FAM240A: variants seen among roughly 807,000 people sequenced by gnomAD.
FAM240A encodes protein FAM240A.
FAM240A carries 8 observed loss-of-function variants against 7.3 expected under a neutral mutation model. The ratio of observed to expected loss-of-function variants is 1.09; its 90% confidence interval spans 0.64 to 1.97. The LOEUF (loss-of-function observed/expected upper bound fraction) is 1.97, where lower values mean the gene tolerates loss of function less well. FAM240A is among the 30% of genes most tolerant of loss of function. FAM240A has a pLI of 0.00. For synonymous variants in FAM240A, 32 were observed against 35.9 expected (o/e 0.89, Z 0.38); for missense variants, 90 against 102.2 (o/e 0.88, Z 0.52).
chr3:46,617,133 C>A, intron 1 of FAM240A, 50 bp from the exon 2 acceptor site: 1 of 1,205,104 alleles, frequency 8.3e-7, no homozygotes, highest in Non-Finnish European at 1.1e-6. Context: ...TGATGTTGAG[C>A]ATTTCTTCAT....
At chr3:46,613,731 C>T (rs1337640513) in intron 1 of FAM240A, among the ~76,000 whole-genome samples, 2 of 152,072 alleles carry the variant, frequency 1.3e-5, no homozygotes, top group Non-Finnish European at 2.9e-5. Flanking sequence ...AGTCCCTCCC[C>T]CTAGAAGGAG....
chr3:46,625,234 T>G lies in FAM240A; in HGVS notation c.*16T>G. Reference sequence around the variant, plus strand: ...TGTTGGCTGAGAGCTTCCTGCTTCATTGACACAAGAAGATGCAAAACACTG... The same window carrying G: ...TGTTGGCTGAGAGCTTCCTGCTTCAGTGACACAAGAAGATGCAAAACACTG... On this transcript the variant is annotated 3_prime_UTR_variant, in exon 3 of 3. Coordinates refer to ENST00000640551, the MANE Select transcript of FAM240A (RefSeq NM_001195442.2). 6.6e-7 allele frequency: 1 copy of G among 1,521,446 alleles called. No individual in the cohort carries two copies. The highest frequency in any genetic ancestry group is 8.8e-7 in the Non-Finnish European group (1 of 1,136,222). The allele number at this position is 1,521,446 out of a possible 1,614,324, so 94.2% of individuals were successfully genotyped here.
At chr3:46,616,639 T>C (rs1697631192) in intron 1 of FAM240A, among the ~76,000 whole-genome samples, 1 of 151,730 alleles carries the variant, frequency 6.6e-6, no homozygotes, top group African/African-American at 2.4e-5. Context: ...TCCATCCGAG[T>C]TGCTGCAAAA....
In FAM240A at chr3:46,619,877, G is replaced by A. The variant is rs574940093; in HGVS notation, c.161+2549G>A. On this transcript the variant is annotated intron_variant, in intron 2 of 2. Coordinates refer to ENST00000640551, the MANE Select transcript of FAM240A (RefSeq NM_001195442.2). ...GAACAGCTTGCCCTATTTGTGGAAT[G>A]GAGAAACCACCATTTTTATATATTG... is the stretch of plus-strand genomic sequence containing the variant. 5.3e-5 allele frequency among the ~76,000 whole-genome samples: 8 copies of A among 152,270 alleles called. No individual in the cohort carries two copies. The South Asian group carries it at 1.7e-3, about 32-fold the overall frequency.
chr3:46,615,846 G>GCA (rs201281577), intron 1 of FAM240A, among the ~76,000 whole-genome samples: 14 of 148,618 alleles, frequency 9.4e-5, no homozygotes, highest in Admixed American at 2.0e-4. Flanking sequence ...CCACATGTGT[G>GCA]CACGCACACA....
intron 1 of FAM240A, among the ~76,000 whole-genome samples, chr3:46,616,626 A>G (rs77364475): frequency 0.029 from 4,377 of 151,700 alleles, 173 homozygotes; most frequent in African/African-American, 0.089. Context: ...AATGGCTTCC[A>G]GTTCCATCCG....
intron 2 of FAM240A, among the ~76,000 whole-genome samples, chr3:46,619,203 C>T (rs1022523334): frequency 1.4e-4 from 22 of 152,076 alleles, no homozygotes; most frequent in Non-Finnish European, 3.1e-4. Flanking sequence ...AGGAGAAAAA[C>T]AAGATGAAAA....
intron 2 of FAM240A, among the ~76,000 whole-genome samples, chr3:46,620,421 G>A (rs912239629): frequency 3.3e-5 from 5 of 150,080 alleles, no homozygotes; most frequent in Admixed American, 1.3e-4. Context: ...ATTAATATCT[G>A]CTAACATCAA....
intron 2 of FAM240A, 127 bp from the exon 3 acceptor site, chr3:46,625,001 T>C: frequency 9.5e-6 from 4 of 421,602 alleles, no homozygotes; most frequent in Non-Finnish European, 1.7e-5. Context: ...GCATGTCCTC[T>C]GCATGCCTTT....
At chr3:46,615,182 G>A (rs746580525) in intron 1 of FAM240A, among the ~76,000 whole-genome samples, 3 of 152,066 alleles carry the variant, frequency 2.0e-5, no homozygotes, top group Middle Eastern at 3.2e-3. Context: ...CCACTGTCCC[G>A]GTCTGTCTTT....
chr3:46,624,237 T>C (rs1264339875), intron 2 of FAM240A, among the ~76,000 whole-genome samples: 1 of 151,162 alleles, frequency 6.6e-6, no homozygotes, highest in Non-Finnish European at 1.5e-5. Context: ...AGTACATCAT[T>C]AATAGTTTTA....
At chr3:46,623,631 T>C (rs1403422528) in intron 2 of FAM240A, among the ~76,000 whole-genome samples, 2 of 152,224 alleles carry the variant, frequency 1.3e-5, no homozygotes, top group Non-Finnish European at 2.9e-5. Flanking sequence ...TATTGCAAAA[T>C]GACCCTCTTT....
chr3:46,617,835 G>A (rs1223049942), intron 2 of FAM240A, among the ~76,000 whole-genome samples: 1 of 152,210 alleles, frequency 6.6e-6, no homozygotes, highest in African/African-American at 2.4e-5. Flanking sequence ...GTGGTTCCTG[G>A]AGGGGAAGGC....
rs748337250 is a variant in FAM240A, at chr3:46,625,842, AT to A, written c.*625del. On this transcript the variant is annotated 3_prime_UTR_variant, in exon 3 of 3. Transcript: ENST00000640551. Reference sequence around the variant, plus strand: ...AAAACTTGGTTGTCCTGTCATCACTATGCACATGCCTTCATTTTATTGCTTT... The same window carrying A: ...AAAACTTGGTTGTCCTGTCATCACTAGCACATGCCTTCATTTTATTGCTTT... The A allele has an allele frequency of 4.6e-5, 7 of 152,222 alleles. No homozygotes were observed. The highest frequency in any genetic ancestry group is 8.8e-5 in the Non-Finnish European group (6 of 68,044). The allele number at this position is 152,222 out of a possible 1,614,324, so 9.4% of individuals were successfully genotyped here.
intron 2 of FAM240A, among the ~76,000 whole-genome samples, chr3:46,617,949 C>A (rs1180047006): frequency 2.0e-5 from 3 of 152,358 alleles, no homozygotes; most frequent in African/African-American, 7.2e-5. Flanking sequence ...GCTGTGGAAG[C>A]AGTGCAGGCT....
intron 2 of FAM240A, among the ~76,000 whole-genome samples, chr3:46,619,271 A>G (rs1423455254): frequency 1.3e-5 from 2 of 152,186 alleles, no homozygotes; most frequent in African/African-American, 4.8e-5. Context: ...TGAACAGCAG[A>G]GACTTTGCAG....
chr3:46,615,849 C>T (rs1031671301), intron 1 of FAM240A, among the ~76,000 whole-genome samples: 1 of 151,266 alleles, frequency 6.6e-6, no homozygotes, highest in Non-Finnish European at 1.5e-5. Flanking sequence ...CATGTGTGCA[C>T]GCACACACAC....
rs542315663 is a variant in FAM240A, at chr3:46,618,631, G to A, written c.161+1303G>A. 4.1e-4 allele frequency among the ~76,000 whole-genome samples: 62 copies of A among 152,104 alleles called. No individual in the cohort carries two copies. In the South Asian group the frequency reaches 7.9e-3, roughly 19 times the overall value. ...TGAGGTGGGCGGATCACCTGAGGTC[G>A]AGAGTTTGAGACCAGCCCGACCAAC... On this transcript the variant is annotated intron_variant, in intron 2 of 2. Coordinates refer to ENST00000640551, the MANE Select transcript of FAM240A (RefSeq NM_001195442.2).
chr3:46,617,428 G>C, intron 2 of FAM240A, 100 bp downstream of exon 2: 2 of 1,053,222 alleles, frequency 1.9e-6, no homozygotes, highest in South Asian at 2.1e-5. Context: ...TGAGCAGAAG[G>C]TACTAAGAGT....
Sources: gnomAD v4.1 joint callset for allele counts (sites outside exome capture counted in the v4.1 genomes callset) on GRCh38, gnomAD v4.1.1 for gene constraint, MANE v1.5 for transcripts, NCBI Gene and HGNC (gene_info 2026-07-23, HGNC 2026-07-21) for gene names.